Variants in CES1 observed in about 807,000 individuals in gnomAD.
CES1 encodes liver carboxylesterase 1.
A neutral mutation model predicts 53.0 loss-of-function variants in CES1; 50 were observed. That is an observed-to-expected ratio of 0.94 (90% CI 0.75 to 1.19). CES1 has a LOEUF of 1.19. CES1 is among the 50% of genes most tolerant of loss of function. CES1 has a pLI of 0.00. For missense variants in CES1, 534 were observed against 538.0 expected, an observed-to-expected ratio of 0.99 and a Z score of 0.07; for synonymous variants, 202 against 210.1, an observed-to-expected ratio of 0.96 and a Z score of 0.33.
chr16:55,825,363 C>A lies in CES1; in HGVS notation c.405+788G>T, dbSNP rs553760593. On this transcript the variant is annotated intron_variant, in intron 3 of 13. Transcript: ENST00000360526. ...AGACACAACACCCCTTGTTTTTTCA[C>A]CCTGGGTGCCTCCTTTGCCAGCAGA... Among the ~76,000 whole-genome samples, 24 of 152,324 alleles carry A rather than the reference C, an allele frequency of 1.6e-4. No homozygotes were observed. In the South Asian group the frequency reaches 5.0e-3, roughly 32 times the overall value.
At position 55,833,081 on chromosome 16, in the gene CES1, C is replaced by A. The variant is rs373358211; in HGVS notation, c.-26G>T. On this transcript the variant is annotated 5_prime_UTR_variant, in exon 1 of 14. Coordinates refer to ENST00000360526, the MANE Select transcript of CES1 (RefSeq NM_001025195.2). Reference sequence around the variant, plus strand: ...CGTGGAAGGGCGACAGTTCTCGGGGCCTGCGAGGTCTCTGTGCAGTTCAGA... The same window carrying A: ...CGTGGAAGGGCGACAGTTCTCGGGGACTGCGAGGTCTCTGTGCAGTTCAGA... 5.2e-6 allele frequency: 8 copies of A among 1,545,524 alleles called. No individual in the cohort carries two copies. The highest frequency in any genetic ancestry group is 1.4e-5 in the African/African-American group (1 of 73,106).
Position 55,829,346 on chromosome 16 carries a change from C to T in CES1, c.53-372G>A, listed in dbSNP as rs147152553. Among the ~76,000 whole-genome samples the T allele has an allele frequency of 4.6e-4, 70 of 152,352 alleles. No homozygotes were observed. The East Asian group carries it at 0.012, about 27-fold the overall frequency. ...ATGAAAAAGGGGTGTCCCATATTCT[C>T]ACAAGCACTGACCATTATAGGGAAG... On this transcript the variant is annotated intron_variant, in intron 1 of 13. Transcript: ENST00000360526.
chr16:55,821,440 G>A lies in CES1; in HGVS notation c.621C>T (p.Ala207=). ...AALRWVQDNI[A]SFGGNPGSVT... ...CAGAGCCTGGGTTCCCTCCAAAGCT[G>A]GCAATGTTGTCCTGGACCCAGCGCA... The change falls in exon 5 of 14, where the codon GCC becomes GCT. Residue 207 remains alanine (A), a synonymous_variant. Coordinates refer to ENST00000360526, the MANE Select transcript of CES1 (RefSeq NM_001025195.2). 2 of 1,614,204 alleles carry A rather than the reference G, an allele frequency of 1.2e-6. No homozygotes were observed. The highest frequency in any genetic ancestry group is 1.7e-6 in the Non-Finnish European group (2 of 1,180,030).
At chr16:55,809,770 C>T (rs185603902) in intron 11 of CES1, among the ~76,000 whole-genome samples, 57 of 152,354 alleles carry the variant, frequency 3.7e-4, no homozygotes, top group African/African-American at 1.3e-3. Flanking sequence ...TGCAGGGCTC[C>T]CACTTTTTAT....
In CES1 at chr16:55,828,802, C is replaced by T. The variant is rs1243690114; in HGVS notation, c.225G>A (p.Trp75Ter). The T allele has an allele frequency of 6.2e-7, 1 of 1,614,302 alleles. No homozygotes were observed. Among genetic ancestry groups the T allele is most frequent in the Admixed American group, 1.7e-5 (1 of 60,034 alleles). ...ACGAGGTGGCATTCTTCACAAAGCTCCATGGTTCTGCAGGCTGCGGTGGAG... is the reference window on the plus strand; with the variant it reads ...ACGAGGTGGCATTCTTCACAAAGCTTCATGGTTCTGCAGGCTGCGGTGGAG... ...RFTPPQPAEP[W>*]SFVKNATSYP... is the part of the protein sequence containing the mutation. The change falls in exon 2 of 14, where the codon TGG (tryptophan) becomes TGA (stop). Residue 75 changes from tryptophan to a stop codon, truncating the protein, a stop_gained. Transcript: ENST00000360526. LOFTEE classifies it high-confidence loss of function.
intron 6 of CES1, chr16:55,820,093 G>T (rs2037968923): frequency 5.0e-6 from 3 of 599,736 alleles, no homozygotes; most frequent in Non-Finnish European, 6.0e-6. Flanking sequence ...ATAGGGCACT[G>T]TACTGGCTGC....
intron 1 of CES1, among the ~76,000 whole-genome samples, chr16:55,830,020 A>G (rs1305462994): frequency 6.6e-6 from 1 of 152,102 alleles, no homozygotes; most frequent in Non-Finnish European, 1.5e-5. Flanking sequence ...AGTTTCTCTG[A>G]GCTTCCCTCC....
intron 3 of CES1, among the ~76,000 whole-genome samples, chr16:55,825,296 C>G (rs1204900571): frequency 6.6e-6 from 1 of 152,226 alleles, no homozygotes; most frequent in East Asian, 1.9e-4. Context: ...CCTGCTCCCC[C>G]ACTCCTAGGC....
In CES1 at chr16:55,813,060, G is replaced by A. The variant is rs1262138057; in HGVS notation, c.946-17C>T. The A allele has an allele frequency of 6.2e-7, 1 of 1,613,782 alleles. No individual in the cohort carries two copies. The highest frequency in any genetic ancestry group is 8.5e-7 in the Non-Finnish European group (1 of 1,179,858). Reference sequence around the variant, plus strand: ...GGGTTGACTCTGGGGAGAGAGCAGTGCAGCACCTGTGATTCCCTCCCTAGT... The same window carrying A: ...GGGTTGACTCTGGGGAGAGAGCAGTACAGCACCTGTGATTCCCTCCCTAGT... On this transcript the variant is annotated splice_polypyrimidine_tract_variant and intron_variant, in intron 8 of 13. Coordinates refer to ENST00000360526, the MANE Select transcript of CES1 (RefSeq NM_001025195.2).
At chr16:55,829,802 C>G (rs1288451574) in intron 1 of CES1, among the ~76,000 whole-genome samples, 3 of 152,246 alleles carry the variant, frequency 2.0e-5, no homozygotes, top group African/African-American at 7.2e-5. Flanking sequence ...GAAGATTCTT[C>G]TGGTGGCCCT....
At chr16:55,810,699 G>C (rs746753621) in intron 10 of CES1, 35 bp from the exon 11 acceptor site, 2 of 1,613,040 alleles carry the variant, frequency 1.2e-6, no homozygotes, top group South Asian at 2.2e-5. Context: ...CCAGCCCCGG[G>C]TGAGCGATGC....
At chr16:55,812,558 C>T in intron 9 of CES1, 2 of 380,026 alleles carry the variant, frequency 5.3e-6, no homozygotes, top group Non-Finnish European at 1.0e-5. Flanking sequence ...CAGGAAGCCC[C>T]CGACTGCTTC....
At chr16:55,832,628 C>A (rs533610326) in intron 1 of CES1, among the ~76,000 whole-genome samples, 1 of 152,254 alleles carries the variant, frequency 6.6e-6, no homozygotes, top group African/African-American at 2.4e-5. Context: ...CGAACCCACG[C>A]ACTCTGGCTC....
Position 55,816,945 on chromosome 16 carries a change from G to C in CES1, c.924C>G (p.Asp308Glu). The change falls in exon 8 of 14, where the codon GAC becomes GAG. Residue 308 changes from aspartate (D) to glutamate (E), a missense_variant. Transcript: ENST00000360526. ...TTLKMKFLSL[D>E]LQGDPRESQP... ...TTACCTCTCTGGGGTCTCCCTGTAAGTCCAGAGATAAGAATTTCTGTGAAG... is the reference window on the plus strand; with the variant it reads ...TTACCTCTCTGGGGTCTCCCTGTAACTCCAGAGATAAGAATTTCTGTGAAG... 6.2e-7 allele frequency: 1 copy of C among 1,614,174 alleles called. No individual in the cohort carries two copies. The highest frequency in any genetic ancestry group is 1.1e-5 in the South Asian group (1 of 91,084).
intron 3 of CES1, among the ~76,000 whole-genome samples, chr16:55,825,802 A>G (rs1319883776): frequency 6.6e-6 from 1 of 152,234 alleles, no homozygotes; most frequent in Non-Finnish European, 1.5e-5. Flanking sequence ...CTTTTCTCTA[A>G]GTTCTTTCCA....
chr16:55,826,219 G>T lies in CES1; in HGVS notation c.337C>A (p.Leu113Ile). The T allele has an allele frequency of 2.5e-6, 4 of 1,613,978 alleles. No individual in the cohort carries two copies. The highest frequency in any genetic ancestry group is 3.4e-6 in the Non-Finnish European group (4 of 1,179,846). The change falls in exon 3 of 14, where the codon CTT becomes ATT. Residue 113 changes from leucine to isoleucine, a missense_variant. Leu to Ile is a conservative substitution (Grantham distance 5). Coordinates refer to ENST00000360526, the MANE Select transcript of CES1 (RefSeq NM_001025195.2). ...TNRKENIPLK[L>I]SEDCLYLNIY... Reference sequence around the variant, plus strand: ...TTGAGGTAAAGACAGTCTTCAGAAAGCTTGAGAGGAATGTTCTCCTTTCGG... The same window carrying T: ...TTGAGGTAAAGACAGTCTTCAGAAATCTTGAGAGGAATGTTCTCCTTTCGG...
intron 8 of CES1, 90 bp from the exon 9 acceptor site, chr16:55,813,133 A>G (rs3859092): frequency 0.72 from 1,111,407 of 1,546,080 alleles, 407,617 homozygotes; most frequent in Non-Finnish European, 0.77. Context: ...GACCAGTACC[A>G]TAGACCGGCA....
At chr16:55,827,126 A>G (rs1470953473) in intron 2 of CES1, among the ~76,000 whole-genome samples, 1 of 152,072 alleles carries the variant, frequency 6.6e-6, no homozygotes, top group Non-Finnish European at 1.5e-5. Flanking sequence ...AAAGGCAGTC[A>G]TCACCGCCCC....
intron 10 of CES1, 82 bp downstream of exon 10, chr16:55,810,845 G>A: frequency 7.0e-7 from 1 of 1,424,924 alleles, no homozygotes; most frequent in Non-Finnish European, 9.9e-7. Flanking sequence ...TCTTCATTCT[G>A]CCATTTAATT....
Sources: allele counts gnomAD v4.1 joint callset (sites outside exome capture counted in the v4.1 genomes callset), GRCh38; gene constraint gnomAD v4.1.1; transcripts MANE v1.5; gene names NCBI Gene and HGNC (gene_info 2026-07-23, HGNC 2026-07-21).